UEVLD: variants seen among roughly 807,000 people sequenced by gnomAD.
The protein encoded by UEVLD is ubiquitin-conjugating enzyme E2 variant 3.
In UEVLD, 47 loss-of-function variants were observed where a neutral mutation model predicts 58.6. The observed-to-expected ratio is 0.80, with a 90% CI of 0.63 to 1.02. The LOEUF (loss-of-function observed/expected upper bound fraction) is 1.02. UEVLD is among the 50% of genes least tolerant of loss of function. The pLI, the probability that UEVLD is intolerant of heterozygous loss-of-function variation, is 0.00. For missense variants in UEVLD, 510 were observed against 550.6 expected (o/e 0.93, Z 0.74); for synonymous variants, 197 against 195.3 (o/e 1.01, Z -0.07).
chr11:18,546,822 A>G, intron 8 of UEVLD, 58 bp downstream of exon 8: 2 of 1,583,722 alleles, frequency 1.3e-6, no homozygotes, highest in Non-Finnish European at 1.7e-6. Flanking sequence ...TTTTATCAGT[A>G]ATGGCAATTC....
At chr11:18,580,157 A>C (rs1410318660) in intron 1 of UEVLD, among the ~76,000 whole-genome samples, 1 of 151,466 alleles carries the variant, frequency 6.6e-6, no homozygotes, top group Non-Finnish European at 1.5e-5. Context: ...GTGGATTCAT[A>C]CTATAATCAA....
chr11:18,577,044 G>A (rs569260768), intron 2 of UEVLD, among the ~76,000 whole-genome samples: 4 of 152,214 alleles, frequency 2.6e-5, no homozygotes, highest in Middle Eastern at 3.4e-3. Flanking sequence ...TTAGCAGGGC[G>A]TGGTGGCATG....
Position 18,546,908 on chromosome 11 carries a change from G to A in UEVLD, c.858C>T (p.His286=). 6.2e-7 allele frequency: 1 copy of A among 1,613,888 alleles called. No homozygotes were observed. The highest frequency in any genetic ancestry group is 8.5e-7 in the Non-Finnish European group (1 of 1,179,974). The change falls in exon 8 of 12, where the codon CAC becomes CAT. Residue 286 remains histidine, a synonymous_variant. Transcript: ENST00000396197. ...LVPALGHYSQ[H]SVLLVASQPV... ...GTTGAGATGCAACGAGCAGGACACT[G>A]TGTTGACTATAATGTCCCAGAGCTG...
At position 18,588,635 on chromosome 11, in the gene UEVLD, C is replaced by A; in HGVS notation, c.20G>T (p.Gly7Val). 1 of 1,610,140 alleles carries A rather than the reference C, an allele frequency of 6.2e-7. No individual in the cohort carries two copies. Among genetic ancestry groups the A allele is most frequent in the Non-Finnish European group, 8.5e-7 (1 of 1,179,864 alleles). ...CACCTTGCCAAGCAGCCGTCTCAGGCCCTCGCAGTCGAACTCCATCTCCAG... is the reference window on the plus strand; with the variant it reads ...CACCTTGCCAAGCAGCCGTCTCAGGACCTCGCAGTCGAACTCCATCTCCAG... MEFDCEGLRRLLGKYKF... is the reference protein window; with the variant it reads MEFDCEVLRRLLGKYKF... Residue 7 changes from glycine to valine, a missense_variant, in exon 1 of 12, where the codon GGC becomes GTC. Transcript: ENST00000396197.
In UEVLD at chr11:18,558,272, A is replaced by G. The variant is rs1436201061; in HGVS notation, c.671T>C (p.Met224Thr). ...AGGAAGGTTGAAGATTTCAAGGTCCATCGTGGCTCCTTTAGTCCCTTCTGA... is the reference window on the plus strand; with the variant it reads ...AGGAAGGTTGAAGATTTCAAGGTCCGTCGTGGCTCCTTTAGTCCCTTCTGA... ...DLSEGTKGAT[M>T]DLEIFNLPNV... The change falls in exon 7 of 12, where the codon ATG (methionine) becomes ACG (threonine). Residue 224 changes from methionine to threonine, a missense_variant. Physicochemically the swap from Met to Thr is moderately conservative, Grantham distance 81. Transcript: ENST00000396197. 5 of 1,613,550 alleles carry G rather than the reference A, an allele frequency of 3.1e-6. No individual in the cohort carries two copies. Among genetic ancestry groups the G allele is most frequent in the East Asian group, 2.2e-5 (1 of 44,880 alleles).
intron 6 of UEVLD, among the ~76,000 whole-genome samples, chr11:18,563,103 CA>C (rs111514140): frequency 0.26 from 30,879 of 119,738 alleles, 3,202 homozygotes; most frequent in Middle Eastern, 0.33. Flanking sequence ...TTGTGCTTAC[CA>C]AAAAAAAAAA....
At chr11:18,542,760 G>A (rs1181912387) in intron 9 of UEVLD, among the ~76,000 whole-genome samples, 1 of 151,954 alleles carries the variant, frequency 6.6e-6, no homozygotes, top group African/African-American at 2.4e-5. Context: ...AAATAGTTTT[G>A]AGAGGGTGAT....
At chr11:18,549,188 T>C (rs1364377456) in intron 7 of UEVLD, among the ~76,000 whole-genome samples, 1 of 152,242 alleles carries the variant, frequency 6.6e-6, no homozygotes, top group Non-Finnish European at 1.5e-5. Flanking sequence ...TATTAAACAC[T>C]ATGCTACATT....
intron 8 of UEVLD, among the ~76,000 whole-genome samples, chr11:18,545,972 T>C (rs1486783658): frequency 1.3e-5 from 2 of 152,138 alleles, no homozygotes; most frequent in Non-Finnish European, 2.9e-5. Context: ...ACACAACTAC[T>C]TTTTTCTTAC....
chr11:18,537,409 G>A (rs1250145321), intron 9 of UEVLD, among the ~76,000 whole-genome samples: 2 of 147,920 alleles, frequency 1.4e-5, no homozygotes, highest in Non-Finnish European at 3.0e-5. Flanking sequence ...TTGGCTCACT[G>A]CAACCTCCGC....
At chr11:18,535,576 C>G (rs1213204870) in intron 10 of UEVLD, among the ~76,000 whole-genome samples, 2 of 152,336 alleles carry the variant, frequency 1.3e-5, no homozygotes, top group East Asian at 3.9e-4. Flanking sequence ...ATCACCACCT[C>G]TCAGACTTCA....
intron 2 of UEVLD, among the ~76,000 whole-genome samples, chr11:18,575,915 C>G (rs547294106): frequency 3.3e-5 from 5 of 152,316 alleles, no homozygotes; most frequent in African/African-American, 1.2e-4. Context: ...GCCCCCTCAG[C>G]AGGAAGAAGC....
intron 7 of UEVLD, among the ~76,000 whole-genome samples, chr11:18,557,170 T>C (rs192188830): frequency 8.1e-4 from 123 of 152,146 alleles, no homozygotes; most frequent in Admixed American, 4.5e-3. Flanking sequence ...TTTGTTTTTT[T>C]GAGACAGAGT....
intron 1 of UEVLD, among the ~76,000 whole-genome samples, chr11:18,585,045 ACTTT>A (rs554530152): frequency 1.4e-4 from 21 of 152,194 alleles, no homozygotes; most frequent in South Asian, 6.2e-4. Flanking sequence ...TTGCCTCTTC[ACTTT>A]CTTTAATTTT....
chr11:18,579,288 C>T (rs571026863), intron 1 of UEVLD: 1 of 205,538 alleles, frequency 4.9e-6, no homozygotes, highest in Non-Finnish European at 8.6e-6. Flanking sequence ...TTTACAACTG[C>T]TCTATAGGAG....
intron 4 of UEVLD, among the ~76,000 whole-genome samples, chr11:18,567,603 T>C (rs1304896250): frequency 6.6e-6 from 1 of 152,164 alleles, no homozygotes; most frequent in Non-Finnish European, 1.5e-5. Context: ...AAATTTACAT[T>C]AAGAACAAAA....
intron 8 of UEVLD, 49 bp downstream of exon 8, chr11:18,546,831 T>C: frequency 6.3e-7 from 1 of 1,590,744 alleles, no homozygotes; most frequent in South Asian, 1.1e-5. Context: ...TAATGGCAAT[T>C]CTACTGATGT....
intron 6 of UEVLD, among the ~76,000 whole-genome samples, chr11:18,563,394 C>T (rs1053456447): frequency 2.6e-5 from 4 of 152,006 alleles, no homozygotes; most frequent in African/African-American, 9.6e-5. Flanking sequence ...AATTCAAGAC[C>T]AGCCTGGGCA....
At chr11:18,581,477 A>G (rs1275272352) in intron 1 of UEVLD, among the ~76,000 whole-genome samples, 1 of 152,182 alleles carries the variant, frequency 6.6e-6, no homozygotes, top group Non-Finnish European at 1.5e-5. Context: ...TGAGGTCAGG[A>G]GTTCGAGAAC....
Sources: gnomAD v4.1 joint callset for allele counts (sites outside exome capture counted in the v4.1 genomes callset) on GRCh38, gnomAD v4.1.1 for gene constraint, MANE v1.5 for transcripts, NCBI Gene and HGNC (gene_info 2026-07-23, HGNC 2026-07-21) for gene names.